Variants in TENT5A observed in about 807,000 individuals in gnomAD.
TENT5A encodes terminal nucleotidyltransferase 5A.
A neutral mutation model predicts 30.2 loss-of-function variants in TENT5A; 9 were observed. The observed-to-expected ratio is 0.30, with a 90% confidence interval of 0.18 to 0.52. The LOEUF is 0.52. Among genes scored for constraint, TENT5A ranks in the 20% least tolerant of loss-of-function variants. The pLI, the probability that TENT5A is intolerant of heterozygous loss-of-function variation, is 0.97. For synonymous variants in TENT5A, 264 were observed against 234.2 expected, an observed-to-expected ratio of 1.13 and a Z score of -1.16; for missense variants, 411 against 566.1, an observed-to-expected ratio of 0.73 and a Z score of 2.78.
At position 81,752,483 on chromosome 6, in the gene TENT5A, GGC is replaced by G; in HGVS notation, c.-92_-91del. ...GCAGCGAGCGAGAGCGAAACCGAGA[GGC>G]GGCAACACTTCCAGGAGCTGCGAGC... On this transcript the variant is annotated 5_prime_UTR_variant, in exon 1 of 3. Coordinates refer to ENST00000320172, the MANE Select transcript of TENT5A (RefSeq NM_017633.3). The G allele has an allele frequency of 6.5e-7, 1 of 1,537,158 alleles. No individual in the cohort carries two copies. The highest frequency in any genetic ancestry group is 8.8e-7 in the Non-Finnish European group (1 of 1,135,052).
chr6:81,752,180 T>C lies in TENT5A; in HGVS notation c.-37-2A>G. The stretch of plus-strand genomic sequence containing the variant: ...AGCGCCACTTGGCCCTGGTCAGTCC[T>C]AAAAAGAAAGGGAAAGGAGCGCGGT... On this transcript the variant is annotated splice_acceptor_variant, in intron 1 of 2. Transcript: ENST00000320172. LOFTEE classifies it low-confidence loss of function (5UTR_SPLICE). 6.7e-7 allele frequency: 1 copy of C among 1,499,762 alleles called. No homozygotes were observed. Among genetic ancestry groups the C allele is most frequent in the Non-Finnish European group, 8.9e-7 (1 of 1,125,852 alleles). The allele number at this position is 1,499,762 out of a possible 1,614,324, so 92.9% of individuals were successfully genotyped here.
In TENT5A at chr6:81,747,533, G is replaced by C; in HGVS notation, c.*2162C>G. On this transcript the variant is annotated 3_prime_UTR_variant, in exon 3 of 3. Transcript: ENST00000320172. ...AAGATGCACAAAAGGTAGTCCAGAC[G>C]GATTAACCTGGATTAACCTAGCACT... 1 of 985,610 alleles carries C rather than the reference G, an allele frequency of 1.0e-6. No individual in the cohort carries two copies. Among genetic ancestry groups the C allele is most frequent in the Non-Finnish European group, 1.2e-6 (1 of 829,906 alleles). The allele number at this position is 985,610 out of a possible 1,614,324, so 61.1% of individuals were successfully genotyped here.
Position 81,752,481 on chromosome 6 carries a change from G to C in TENT5A, c.-88C>G, listed in dbSNP as rs1051116912. ...GCGCAGCGAGCGAGAGCGAAACCGAGAGGCGGCAACACTTCCAGGAGCTGC... is the reference window on the plus strand; with the variant it reads ...GCGCAGCGAGCGAGAGCGAAACCGACAGGCGGCAACACTTCCAGGAGCTGC... On this transcript the variant is annotated 5_prime_UTR_variant, in exon 1 of 3. Coordinates refer to ENST00000320172, the MANE Select transcript of TENT5A (RefSeq NM_017633.3). The C allele has an allele frequency of 5.2e-5, 80 of 1,541,712 alleles. No individual in the cohort carries two copies. The highest frequency in any genetic ancestry group is 1.7e-4 in the Middle Eastern group (1 of 5,992).
In TENT5A at chr6:81,745,885, T is replaced by C; in HGVS notation, c.*3810A>G. 2.7e-5 allele frequency: 27 copies of C among 985,576 alleles called. No individual in the cohort carries two copies. The highest frequency in any genetic ancestry group is 3.1e-5 in the Non-Finnish European group (26 of 829,928). The allele number at this position is 985,576 out of a possible 1,614,324, so 61.1% of individuals were successfully genotyped here. ...CCTTTTCTGCCTGTGACGCAGCCTA[T>C]AGTCAAAATATTCCAAAAGAGTGAC... On this transcript the variant is annotated 3_prime_UTR_variant, in exon 3 of 3. Transcript: ENST00000320172.
In TENT5A at chr6:81,751,755, C is replaced by T; in HGVS notation, c.387G>A (p.Leu129=). Residue 129 remains leucine (L), a synonymous_variant, in exon 2 of 3, where the codon CTG becomes CTA. Coordinates refer to ENST00000320172, the MANE Select transcript of TENT5A (RefSeq NM_017633.3). ...TGTAGCCCAGGCCGCTGTCCTGGTG[C>T]AGGACATGGCTGGCTGCCGAGCCGT... ...RLNGSAASHV[L]HQDSGLGYKD... is the part of the protein sequence containing the mutation. 1.2e-6 allele frequency: 2 copies of T among 1,613,410 alleles called. No individual in the cohort carries two copies. The highest frequency in any genetic ancestry group is 1.7e-6 in the Non-Finnish European group (2 of 1,179,996).
Position 81,752,110 on chromosome 6 carries a change from G to C in TENT5A, c.32C>G (p.Ser11Cys), listed in dbSNP as rs750122427. 4.6e-6 allele frequency: 7 copies of C among 1,517,756 alleles called. No homozygotes were observed. The Admixed American group carries it at 5.9e-5, about 13-fold the overall frequency. The allele number at this position is 1,517,756 out of a possible 1,614,324, so 94.0% of individuals were successfully genotyped here. A position where few individuals can be genotyped will look rare whatever the true frequency, so the allele number is the denominator to read the frequency against. The change falls in exon 2 of 3, where the codon TCT becomes TGT. Residue 11 changes from serine (S) to cysteine (C), a missense_variant. Ser to Cys is a moderately radical substitution (Grantham distance 112). This residue lies in a region of TENT5A where 34 missense variants were observed against 29.3 expected (regional missense o/e 1.16). Coordinates refer to ENST00000320172, the MANE Select transcript of TENT5A (RefSeq NM_017633.3). MAEGEGYFAMSEDELACSPYI... is the reference protein window; with the variant it reads MAEGEGYFAMCEDELACSPYI... Reference sequence around the variant, plus strand: ...GGGGCTGCAGGCCAGCTCGTCCTCAGACATGGCGAAGTACCCTTCACCCTC... The same window carrying C: ...GGGGCTGCAGGCCAGCTCGTCCTCACACATGGCGAAGTACCCTTCACCCTC...
Position 81,749,223 on chromosome 6 carries a change from T to C in TENT5A, c.*472A>G. On this transcript the variant is annotated 3_prime_UTR_variant, in exon 3 of 3. Transcript: ENST00000320172. The stretch of plus-strand genomic sequence containing the variant: ...AACGTTGGAGTTCCCCTTTTTCCTG[T>C]ATTGTTACTATTAATATCTGAACTC... 1 of 986,802 alleles carries C rather than the reference T, an allele frequency of 1.0e-6. No homozygotes were observed. 61.1% of individuals were successfully genotyped at this position (986,802 alleles called of 1,614,324 possible).
intron 2 of TENT5A, 56 bp downstream of exon 2, chr6:81,751,534 C>A (rs1182443823): frequency 6.7e-7 from 1 of 1,485,392 alleles, no homozygotes; most frequent in Non-Finnish European, 9.1e-7. Flanking sequence ...TGCCCGCTCC[C>A]CGTCACACCC....
chr6:81,751,468 A>G, intron 2 of TENT5A, 122 bp downstream of exon 2: 7 of 896,166 alleles, frequency 7.8e-6, no homozygotes, highest in African/African-American at 1.7e-5. Context: ...CAAAGAAATA[A>G]CGCGCGCCCA....
In TENT5A at chr6:81,752,124, C is replaced by A; in HGVS notation, c.18G>T (p.Gly6=). 2.0e-6 allele frequency: 3 copies of A among 1,534,186 alleles called. No homozygotes were observed. In the African/African-American group the frequency reaches 4.2e-5, roughly 22 times the overall value. ...GCTCGTCCTCAGACATGGCGAAGTACCCTTCACCCTCCGCCATGTAGTGCC... is the reference window on the plus strand; with the variant it reads ...GCTCGTCCTCAGACATGGCGAAGTAACCTTCACCCTCCGCCATGTAGTGCC... The part of the protein sequence containing the change: MAEGE[G]YFAMSEDELA... The change falls in exon 2 of 3, where the codon GGG becomes GGT. Residue 6 remains glycine, a synonymous_variant. Transcript: ENST00000320172.
rs1768922538 is a variant in TENT5A, at chr6:81,748,077, G to A, written c.*1618C>T. On this transcript the variant is annotated 3_prime_UTR_variant, in exon 3 of 3. Transcript: ENST00000320172. ...TCTCATATATAAATTTTAAGCAATT[G>A]TGCAAATATTCTGTAAAAAGGGTCA... 2.0e-6 allele frequency: 2 copies of A among 980,816 alleles called. No individual in the cohort carries two copies. Among genetic ancestry groups the A allele is most frequent in the Non-Finnish European group, 1.2e-6 (1 of 825,920 alleles). 60.8% of individuals were successfully genotyped at this position (980,816 alleles called of 1,614,324 possible). A position where few individuals can be genotyped will look rare whatever the true frequency, so the allele number is the denominator to read the frequency against.
chr6:81,750,367 C>T lies in TENT5A; in HGVS notation c.657G>A (p.Val219=). 1 of 1,613,704 alleles carries T rather than the reference C, an allele frequency of 6.2e-7. No individual in the cohort carries two copies. ...NSGKNVELKF[V]DSLRRQFEFS... ...ATTCAAACTGCCTCCGGAGGGAATC[C>T]ACAAATTTCAGTTCCACATTTTTGC... is the stretch of plus-strand genomic sequence containing the variant. The change falls in exon 3 of 3, where the codon GTG becomes GTA. Residue 219 remains valine, a synonymous_variant. Transcript: ENST00000320172. The surrounding 1 kb of genome is among the most constrained non-coding windows in gnomAD (Gnocchi z 4.2).
intron 2 of TENT5A, 132 bp downstream of exon 2, chr6:81,751,458 C>G: frequency 1.2e-6 from 1 of 829,078 alleles, no homozygotes; most frequent in Non-Finnish European, 1.9e-6. Flanking sequence ...AATCAAAAAT[C>G]AAAGAAATAA....
rs1441681043 is a variant in TENT5A, at chr6:81,748,502, A to G, written c.*1193T>C. ...ATTTTTTTAGATGTGGATTTAATTC[A>G]TCATTGCAATATGCCCACGTCTCAT... is the stretch of plus-strand genomic sequence containing the variant. On this transcript the variant is annotated 3_prime_UTR_variant, in exon 3 of 3. Coordinates refer to ENST00000320172, the MANE Select transcript of TENT5A (RefSeq NM_017633.3). 10 of 981,422 alleles carry G rather than the reference A, an allele frequency of 1.0e-5. No individual in the cohort carries two copies. The highest frequency in any genetic ancestry group is 1.2e-5 in the Non-Finnish European group (10 of 826,608). 60.8% of individuals were successfully genotyped at this position (981,422 alleles called of 1,614,324 possible). A position where few individuals can be genotyped will look rare whatever the true frequency, so the allele number is the denominator to read the frequency against.
In TENT5A at chr6:81,750,031, C is replaced by T; in HGVS notation, c.993G>A (p.Glu331=). 2 of 1,614,234 alleles carry T rather than the reference C, an allele frequency of 1.2e-6. No individual in the cohort carries two copies. Among genetic ancestry groups the T allele is most frequent in the African/African-American group, 1.3e-5 (1 of 75,060 alleles). The change falls in exon 3 of 3, where the codon GAG becomes GAA. Residue 331 remains glutamate (E), a synonymous_variant. Coordinates refer to ENST00000320172, the MANE Select transcript of TENT5A (RefSeq NM_017633.3). This position sits in a 1 kb window ranked among gnomAD's most constrained non-coding sequence, Gnocchi z 4.2. ...AATAGGACTCCAGTTTTCTCTGCTG[C>T]TCTCCAATGTCTGAGAAGTCGATGA... ...RFFIDFSDIG[E]QQRKLESYLQ... is the part of the protein sequence containing the mutation.
In TENT5A at chr6:81,749,029, A is replaced by T; in HGVS notation, c.*666T>A. On this transcript the variant is annotated 3_prime_UTR_variant, in exon 3 of 3. Transcript: ENST00000320172. ...TTGCTTGCATTTTTACATTTTAAAA[A>T]TGTGATCTATGCACGCAGCTGGAAT... 2.0e-6 allele frequency: 2 copies of T among 985,844 alleles called. No homozygotes were observed. The highest frequency in any genetic ancestry group is 2.4e-6 in the Non-Finnish European group (2 of 829,914). The allele number at this position is 985,844 out of a possible 1,614,324, so 61.1% of individuals were successfully genotyped here. A position where few individuals can be genotyped will look rare whatever the true frequency, so the allele number is the denominator to read the frequency against.
chr6:81,749,711 C>T lies in TENT5A; in HGVS notation c.1313G>A (p.Trp438Ter), dbSNP rs774897515. Residue 438 changes from tryptophan to a stop codon, truncating the protein, a stop_gained, in exon 3 of 3, where the codon TGG (tryptophan) becomes TAG (stop). Coordinates refer to ENST00000320172, the MANE Select transcript of TENT5A (RefSeq NM_017633.3). LOFTEE classifies it high-confidence loss of function. ...FTCQQQTYST[W>*]LPCN ...AAATGATTCTTAATTGCAGGGTAGC[C>T]AAGTGGAGTAGGTCTGTTGCTGGCA... 7.4e-6 allele frequency: 12 copies of T among 1,611,640 alleles called. No homozygotes were observed. In the South Asian group the frequency reaches 1.3e-4, roughly 18 times the overall value.
Position 81,750,054 on chromosome 6 carries a change from T to C in TENT5A, c.970A>G (p.Ile324Val), listed in dbSNP as rs1471183904. The change falls in exon 3 of 3, where the codon ATC becomes GTC. Residue 324 changes from isoleucine (I) to valine (V), a missense_variant. By Grantham distance (29) the Ile-to-Val change is conservative (BLOSUM62 3). Around this residue, in one of 5 missense-constraint regions of TENT5A, gnomAD observed 135 missense variants for 240.0 expected, o/e 0.56. Transcript: ENST00000320172. This position sits in a 1 kb window ranked among gnomAD's most constrained non-coding sequence, Gnocchi z 4.2. ...LQRYMCSRFFIDFSDIGEQQR... is the reference protein window; with the variant it reads ...LQRYMCSRFFVDFSDIGEQQR... ...TGCTCTCCAATGTCTGAGAAGTCGATGAAAAACCTGGAACACATATACCTT... is the reference window on the plus strand; with the variant it reads ...TGCTCTCCAATGTCTGAGAAGTCGACGAAAAACCTGGAACACATATACCTT... 1 of 1,614,060 alleles carries C rather than the reference T, an allele frequency of 6.2e-7. No individual in the cohort carries two copies. The highest frequency in any genetic ancestry group is 8.5e-7 in the Non-Finnish European group (1 of 1,180,030).
In TENT5A at chr6:81,747,425, T is replaced by C. The variant is rs1768909314; in HGVS notation, c.*2270A>G. ...AGTTCCTTAGAAAACTGAGTGGCAG[T>C]GCAGCGGCTGTTGCAGCTCTGACAG... On this transcript the variant is annotated 3_prime_UTR_variant, in exon 3 of 3. Coordinates refer to ENST00000320172, the MANE Select transcript of TENT5A (RefSeq NM_017633.3). 1 of 985,826 alleles carries C rather than the reference T, an allele frequency of 1.0e-6. No individual in the cohort carries two copies. Among genetic ancestry groups the C allele is most frequent in the East Asian group, 1.1e-4 (1 of 8,818 alleles). The allele number at this position is 985,826 out of a possible 1,614,324, so 61.1% of individuals were successfully genotyped here.
Sources: allele counts gnomAD v4.1 joint callset, GRCh38; gene constraint gnomAD v4.1.1; regional missense constraint gnomAD v4.1.1; non-coding constraint Gnocchi (gnomAD v3.1); transcripts MANE v1.5; gene names NCBI Gene and HGNC (gene_info 2026-07-23, HGNC 2026-07-21).